The following MCPH1 variants were observed in gnomAD, a reference collection of about 807,000 sequenced individuals.
MCPH1 encodes the protein microcephalin.
MCPH1 carries 104 observed loss-of-function variants against 84.5 expected under a neutral mutation model. The observed-to-expected ratio is 1.23, with a 90% CI of 1.05 to 1.45. The LOEUF is 1.45. MCPH1 is among the 40% of genes most tolerant of loss of function. The pLI is 0.00. For synonymous variants in MCPH1, 514 were observed against 366.8 expected, an observed-to-expected ratio of 1.40 and a Z score of -4.58; for missense variants, 1,498 against 1,005.7, an observed-to-expected ratio of 1.49 and a Z score of -6.62.
intron 8 of MCPH1, among the ~76,000 whole-genome samples, chr8:6,452,430 C>G (rs191073388): frequency 6.6e-6 from 1 of 152,214 alleles, no homozygotes; most frequent in Admixed American, 6.5e-5. Flanking sequence ...CGTATTTGAT[C>G]ATTTCGTGAA....
intron 12 of MCPH1, among the ~76,000 whole-genome samples, chr8:6,614,459 A>G (rs1021498691): frequency 2.0e-5 from 3 of 152,202 alleles, no homozygotes; most frequent in Non-Finnish European, 2.9e-5. Context: ...CCTCCTGGAA[A>G]AAGCCTGATT....
chr8:6,636,415 C>A (rs1463964565), intron 13 of MCPH1, among the ~76,000 whole-genome samples: 1 of 151,416 alleles, frequency 6.6e-6, no homozygotes, highest in Non-Finnish European at 1.5e-5. Context: ...GGGGTGAGGG[C>A]TGAGATAGTG....
rs1166231312 is a variant in MCPH1 at position 6,592,635 on chromosome 8, T to G, written c.2215-28819T>G. Among the ~76,000 whole-genome samples, 8 of 139,796 alleles carry G rather than the reference T, an allele frequency of 5.7e-5. 1 individual carries two copies. The highest frequency in any genetic ancestry group is 1.9e-4 in the African/African-American group (7 of 36,436). The allele number at this position is 139,796 out of a possible 152,430, so 91.7% of individuals were successfully genotyped here. A position where few individuals can be genotyped will look rare whatever the true frequency, so the allele number is the denominator to read the frequency against. The stretch of plus-strand genomic sequence containing the variant: ...CTTTCTTTTTTTTGTTTTTTTTTTT[T>G]TTTTTTTTGTTGCTGTTGTTGTTTG... On this transcript the variant is annotated intron_variant, in intron 12 of 13. Coordinates refer to ENST00000344683, the MANE Select transcript of MCPH1 (RefSeq NM_024596.5).
intron 12 of MCPH1, among the ~76,000 whole-genome samples, chr8:6,617,639 T>C (rs139885356): frequency 3.9e-4 from 59 of 152,034 alleles, no homozygotes; most frequent in African/African-American, 1.4e-3. Context: ...GTGTAAAGGT[T>C]TGCAATGAAA....
intron 12 of MCPH1, chr8:6,521,098 G>C (rs975243997): frequency 2.7e-6 from 3 of 1,114,182 alleles, no homozygotes; most frequent in Middle Eastern, 4.5e-4. Flanking sequence ...TTTTCTGAAA[G>C]GTGAGAATTT....
chr8:6,639,429 G>T (rs760044873), intron 13 of MCPH1, among the ~76,000 whole-genome samples: 17 of 152,180 alleles, frequency 1.1e-4, no homozygotes, highest in South Asian at 6.2e-4. Context: ...GGGAAGCCAA[G>T]GTGAGTGGAC....
intron 12 of MCPH1, among the ~76,000 whole-genome samples, chr8:6,534,070 C>T (rs765899514): frequency 2.6e-5 from 4 of 152,152 alleles, no homozygotes; most frequent in Non-Finnish European, 2.9e-5. Context: ...AGCCTGGTCA[C>T]TAAGGCTGCC....
Position 6,644,035 on chromosome 8 carries a change from G to C in MCPH1, c.*986G>C, listed in dbSNP as rs1433899354. ...GGAGGCTGAGGTGGACAGATCACTT[G>C]AGGTCAGGAGTTCGAGACCAGCCTG... is the stretch of plus-strand genomic sequence containing the variant. On this transcript the variant is annotated 3_prime_UTR_variant, in exon 14 of 14. Coordinates refer to ENST00000344683, the MANE Select transcript of MCPH1 (RefSeq NM_024596.5). 2 of 152,244 alleles carry C rather than the reference G, an allele frequency of 1.3e-5. No individual in the cohort carries two copies. The highest frequency in any genetic ancestry group is 4.8e-5 in the African/African-American group (2 of 41,438). The allele number at this position is 152,244 out of a possible 1,614,324, so 9.4% of individuals were successfully genotyped here.
intron 12 of MCPH1, among the ~76,000 whole-genome samples, chr8:6,599,242 T>G (rs1829178691): frequency 6.6e-6 from 1 of 152,204 alleles, no homozygotes; most frequent in South Asian, 2.1e-4. Context: ...GAAGGATATT[T>G]TTAAAGGAAT....
chr8:6,635,555 A>T (rs1797485434), intron 13 of MCPH1: 1 of 152,224 alleles, frequency 6.6e-6, no homozygotes, highest in African/African-American at 2.4e-5. Flanking sequence ...TGATCATGCC[A>T]CTGCACACCA....
intron 13 of MCPH1, among the ~76,000 whole-genome samples, chr8:6,631,388 G>A (rs530604302): frequency 1.3e-5 from 2 of 152,142 alleles, no homozygotes; most frequent in African/African-American, 4.8e-5. Context: ...AGAGTGAAAA[G>A]CAATCTATGG....
At chr8:6,609,224 ATC>A (rs1444766683) in intron 12 of MCPH1, among the ~76,000 whole-genome samples, 1 of 152,252 alleles carries the variant, frequency 6.6e-6, no homozygotes, top group Non-Finnish European at 1.5e-5. Context: ...CAACCAAGGC[ATC>A]TCGGCAGCAT....
At chr8:6,504,276 C>G (rs1812808366) in intron 12 of MCPH1, among the ~76,000 whole-genome samples, 1 of 145,614 alleles carries the variant, frequency 6.9e-6, no homozygotes, top group Non-Finnish European at 1.5e-5. Flanking sequence ...CGAGATCGCG[C>G]CACTGCACTC....
intron 12 of MCPH1, among the ~76,000 whole-genome samples, chr8:6,568,218 G>T (rs1028427874): frequency 6.7e-6 from 1 of 149,966 alleles, no homozygotes; most frequent in African/African-American, 2.5e-5. Flanking sequence ...CCTGAGGACC[G>T]TGGAAGTGGG....
chr8:6,474,077 A>C, intron 9 of MCPH1: 1 of 787,372 alleles, frequency 1.3e-6, no homozygotes, highest in African/African-American at 1.7e-5. Context: ...ATCTATTCTC[A>C]ACACAAAAAC....
At chr8:6,626,217 C>G (rs1201985852) in intron 13 of MCPH1, 1 of 985,282 alleles carries the variant, frequency 1.0e-6, no homozygotes, top group African/African-American at 1.7e-5. Flanking sequence ...TGGCATAGAA[C>G]AGGGAGTGGA....
intron 3 of MCPH1, among the ~76,000 whole-genome samples, chr8:6,427,924 C>G (rs1442689802): frequency 2.6e-5 from 4 of 151,816 alleles, no homozygotes; most frequent in East Asian, 3.9e-4. Context: ...TCCTGAGTAG[C>G]TGGAATTACA....
rs752720600 is a variant in MCPH1, at chr8:6,562,640, T to G, written c.2215-58814T>G. ...TGTTCACAAAGACAGATGGATTTTT[T>G]TCCTACCTTCATTAGCCACTGAGTG... On this transcript the variant is annotated intron_variant, in intron 12 of 13. Transcript: ENST00000344683. 2.2e-6 allele frequency: 3 copies of G among 1,387,994 alleles called. No individual in the cohort carries two copies. The African/African-American group carries it at 4.4e-5, about 20-fold the overall frequency. 86.0% of individuals were successfully genotyped at this position (1,387,994 alleles called of 1,614,324 possible).
At chr8:6,505,179 T>TATATAGA (rs972963684) in intron 12 of MCPH1, among the ~76,000 whole-genome samples, 6 of 122,646 alleles carry the variant, frequency 4.9e-5, no homozygotes, top group African/African-American at 1.7e-4. Context: ...CCAAAGAATA[T>TATATAGA]ATATATATAT....
Sources: allele counts gnomAD v4.1 joint callset (sites outside exome capture counted in the v4.1 genomes callset), GRCh38; gene constraint gnomAD v4.1.1; transcripts MANE v1.5; gene names NCBI Gene and HGNC (gene_info 2026-07-23, HGNC 2026-07-21).